Variants in CNTNAP5 observed in about 807,000 individuals in gnomAD.
CNTNAP5 encodes contactin-associated protein-like 5.
A neutral mutation model predicts 150.2 loss-of-function variants in CNTNAP5; 72 were observed. The ratio of observed to expected loss-of-function variants is 0.48; its 90% CI spans 0.40 to 0.58. The LOEUF is 0.58. Among genes scored for constraint, CNTNAP5 ranks in the 20% least tolerant of loss-of-function variants. CNTNAP5 has a pLI of 0.00. For missense variants in CNTNAP5, 1,636 were observed against 1,626.2 expected, an observed-to-expected ratio of 1.01 and a Z score of -0.10; for synonymous variants, 672 against 619.8, an observed-to-expected ratio of 1.08 and a Z score of -1.25.
chr2:124,553,911 G>A (rs1190561485), intron 10 of CNTNAP5, among the ~76,000 whole-genome samples: 1 of 152,176 alleles, frequency 6.6e-6, no homozygotes, highest in African/African-American at 2.4e-5. Context: ...TCAGGGATAT[G>A]AGGGCCAAAG....
At chr2:124,863,218 G>T (rs1242616931) in intron 19 of CNTNAP5, among the ~76,000 whole-genome samples, 1 of 152,186 alleles carries the variant, frequency 6.6e-6, no homozygotes, top group Non-Finnish European at 1.5e-5. Context: ...TCACACACTG[G>T]TTTATTTTAT....
chr2:124,480,559 T>G (rs1573402524), intron 7 of CNTNAP5, among the ~76,000 whole-genome samples: 1 of 152,190 alleles, frequency 6.6e-6, no homozygotes, highest in African/African-American at 2.4e-5. Context: ...CAGGCACCTT[T>G]ATCTTACCTC....
At chr2:124,510,438 C>T (rs1245866349) in intron 8 of CNTNAP5, among the ~76,000 whole-genome samples, 2 of 116,128 alleles carry the variant, frequency 1.7e-5, no homozygotes, top group African/African-American at 6.6e-5. Context: ...AGCAAGACTC[C>T]ATCAAAAAAA....
At chr2:124,614,935 T>G (rs1182912557) in intron 12 of CNTNAP5, among the ~76,000 whole-genome samples, 1 of 152,128 alleles carries the variant, frequency 6.6e-6, no homozygotes. Context: ...ATATAAAAGT[T>G]ATGTTTACAC....
intron 18 of CNTNAP5, 101 bp from the exon 19 acceptor site, chr2:124,797,995 A>C (rs2104641785): frequency 1.3e-6 from 1 of 762,594 alleles, no homozygotes; most frequent in South Asian, 1.7e-5. Context: ...ATTACTCCTC[A>C]CACAGTGCCC....
chr2:124,027,179 A>ATC (rs567284086), intron 1 of CNTNAP5, among the ~76,000 whole-genome samples: 152 of 152,284 alleles, frequency 1.0e-3, no homozygotes, highest in Non-Finnish European at 2.0e-3. Flanking sequence ...TTACTTCTTC[A>ATC]TCTCATTCTC....
chr2:124,705,882 C>T (rs1350770340), intron 13 of CNTNAP5, among the ~76,000 whole-genome samples: 3 of 152,050 alleles, frequency 2.0e-5, no homozygotes, highest in African/African-American at 7.2e-5. Flanking sequence ...CTTGGTTCAT[C>T]ATGCTTTACC....
At chr2:124,650,547 G>C (rs746164196) in intron 13 of CNTNAP5, among the ~76,000 whole-genome samples, 2 of 152,152 alleles carry the variant, frequency 1.3e-5, no homozygotes, top group Admixed American at 1.3e-4. Flanking sequence ...CCCTTCCCAA[G>C]AGGAAGCCCA....
intron 13 of CNTNAP5, among the ~76,000 whole-genome samples, chr2:124,714,297 GA>G (rs1479715617): frequency 6.6e-6 from 1 of 152,108 alleles, no homozygotes; most frequent in Admixed American, 6.6e-5. Context: ...AAGGAGCTCA[GA>G]AATTAGTGAT....
intron 1 of CNTNAP5, among the ~76,000 whole-genome samples, chr2:124,207,705 AT>A (rs1034708862): frequency 1.1e-4 from 16 of 152,104 alleles, no homozygotes; most frequent in Non-Finnish European, 2.4e-4. Context: ...ATGTTATTTG[AT>A]TGCTAAAGGT....
chr2:124,879,238 C>T (rs144737311), intron 21 of CNTNAP5, among the ~76,000 whole-genome samples: 167 of 152,170 alleles, frequency 1.1e-3, no homozygotes, highest in African/African-American at 4.0e-3. Flanking sequence ...GCCTCATTTA[C>T]GGTTTTATCT....
intron 1 of CNTNAP5, among the ~76,000 whole-genome samples, chr2:124,067,937 G>A (rs939540715): frequency 1.1e-4 from 16 of 152,036 alleles, no homozygotes; most frequent in African/African-American, 3.4e-4. Context: ...TAAAATTAGT[G>A]CATATAGCCT....
chr2:124,032,697 AAATGTATTCTAT>A (rs1681090041), intron 1 of CNTNAP5, among the ~76,000 whole-genome samples: 1 of 152,168 alleles, frequency 6.6e-6, no homozygotes, highest in Non-Finnish European at 1.5e-5. Flanking sequence ...TACATTTGTA[AAATGTATTCTAT>A]AGCTGTTTCG....
chr2:124,401,124 C>T (rs1691413319), intron 3 of CNTNAP5, among the ~76,000 whole-genome samples: 1 of 152,160 alleles, frequency 6.6e-6, no homozygotes, highest in Non-Finnish European at 1.5e-5. Flanking sequence ...TCTCGTCCTG[C>T]CAAATTGCTG....
At chr2:124,790,753 C>G (rs1475337578) in intron 18 of CNTNAP5, among the ~76,000 whole-genome samples, 1 of 152,114 alleles carries the variant, frequency 6.6e-6, no homozygotes, top group Non-Finnish European at 1.5e-5. Context: ...TATACCCCTT[C>G]ACAATCTCCT....
chr2:124,025,749 G>A lies in CNTNAP5; in HGVS notation c.82+17G>A, dbSNP rs1414147610. On this transcript the variant is annotated intron_variant, in intron 1 of 23. Coordinates refer to ENST00000682447, the MANE Select transcript of CNTNAP5 (RefSeq NM_001367498.1). ...CGACAAACTGTGAGTACGAGGAGCT[G>A]GGGGCGGGAAGGTGAGGTGGAAAAC... 5 of 1,598,684 alleles carry A rather than the reference G, an allele frequency of 3.1e-6. No individual in the cohort carries two copies. The highest frequency in any genetic ancestry group is 4.3e-6 in the Non-Finnish European group (5 of 1,166,026).
chr2:124,516,161 T>A (rs1323449834), intron 8 of CNTNAP5, among the ~76,000 whole-genome samples: 3 of 152,204 alleles, frequency 2.0e-5, no homozygotes, highest in Non-Finnish European at 2.9e-5. Context: ...GGATAAACAG[T>A]GTGCCAGGAA....
At chr2:124,719,676 G>A (rs1198551977) in intron 13 of CNTNAP5, among the ~76,000 whole-genome samples, 2 of 152,158 alleles carry the variant, frequency 1.3e-5, no homozygotes, top group South Asian at 2.1e-4. Flanking sequence ...TCTGTTGAAG[G>A]CACTTAAACT....
intron 7 of CNTNAP5, among the ~76,000 whole-genome samples, chr2:124,501,522 G>C (rs1310297552): frequency 2.0e-5 from 3 of 152,172 alleles, no homozygotes; most frequent in African/African-American, 7.2e-5. Flanking sequence ...TTCTCACATG[G>C]CTTTTCTAAA....
Sources: gnomAD v4.1 joint callset for allele counts (sites outside exome capture counted in the v4.1 genomes callset) on GRCh38, gnomAD v4.1.1 for gene constraint, MANE v1.5 for transcripts, NCBI Gene and HGNC (gene_info 2026-07-23, HGNC 2026-07-21) for gene names.